Variants in CDC14B observed in about 807,000 individuals in gnomAD.
The protein encoded by CDC14B is dual specificity protein phosphatase CDC14B.
In CDC14B, 22 loss-of-function variants were observed where a neutral mutation model predicts 64.2. That is an observed-to-expected ratio of 0.34 (90% CI 0.24 to 0.49). CDC14B has a LOEUF of 0.49. Ranked by LOEUF, CDC14B falls within the 20% of genes least tolerant of loss-of-function variation. The probability of loss-of-function intolerance (pLI) is 0.99; values close to 1 mark genes in which losing one functional copy is unlikely to be tolerated. For synonymous variants in CDC14B, 191 were observed against 215.8 expected, an observed-to-expected ratio of 0.89 and a Z score of 1.01; for missense variants, 498 against 629.9, an observed-to-expected ratio of 0.79 and a Z score of 2.24.
chr9:96,546,115 G>A (rs1840785196), intron 5 of CDC14B, among the ~76,000 whole-genome samples: 1 of 152,146 alleles, frequency 6.6e-6, no homozygotes, highest in African/African-American at 2.4e-5. Context: ...TTTCGTAACA[G>A]CTCGTATTCA....
intron 12 of CDC14B, among the ~76,000 whole-genome samples, chr9:96,521,782 AATG>A (rs770840779): frequency 5.9e-5 from 9 of 152,230 alleles, no homozygotes; most frequent in Non-Finnish European, 1.2e-4. Flanking sequence ...GGTGTCCCAC[AATG>A]AAAAAGGAAG....
Position 96,501,320 on chromosome 9 carries a change from A to C in CDC14B, c.*2433T>G, listed in dbSNP as rs1031406679. The C allele has an allele frequency of 3.9e-5, 6 of 152,130 alleles. No individual in the cohort carries two copies. Among genetic ancestry groups the C allele is most frequent in the Non-Finnish European group, 8.8e-5 (6 of 68,016 alleles). 9.4% of individuals were successfully genotyped at this position (152,130 alleles called of 1,614,324 possible). On this transcript the variant is annotated 3_prime_UTR_variant, in exon 14 of 14. Coordinates refer to ENST00000375241, the MANE Select transcript of CDC14B (RefSeq NM_033331.4). ...CCCAGTGTACTTTCAGGGCTATTTA[A>C]GGCTCTTAGGTTAAGGGGATCTCTC... is the stretch of plus-strand genomic sequence containing the variant.
At chr9:96,597,078 C>A (rs768971570) in intron 1 of CDC14B, among the ~76,000 whole-genome samples, 1 of 152,112 alleles carries the variant, frequency 6.6e-6, no homozygotes, top group Admixed American at 6.5e-5. Flanking sequence ...CACCAATGCA[C>A]ATCATAAACT....
At chr9:96,586,752 TC>T (rs1355915921) in intron 1 of CDC14B, among the ~76,000 whole-genome samples, 1 of 152,086 alleles carries the variant, frequency 6.6e-6, no homozygotes, top group Non-Finnish European at 1.5e-5. Context: ...AAGTGGCTCT[TC>T]AAGTCCTAAA....
intron 1 of CDC14B, among the ~76,000 whole-genome samples, chr9:96,596,694 C>T (rs997052275): frequency 1.2e-4 from 18 of 151,868 alleles, no homozygotes; most frequent in African/African-American, 4.4e-4. Context: ...AATCCTGTCT[C>T]TACAAAAAAT....
At chr9:96,512,694 G>A (rs774572819) in intron 12 of CDC14B, among the ~76,000 whole-genome samples, 2 of 152,126 alleles carry the variant, frequency 1.3e-5, no homozygotes, top group Admixed American at 1.3e-4. Context: ...TTTGAATATA[G>A]AATTTTGCAT....
At position 96,510,530 on chromosome 9, in the gene CDC14B, T is replaced by C. The variant is rs564479281; in HGVS notation, c.1344-741A>G. ...TGTCCTTTAAGAGGCAGATGGTCCT[T>C]TGGTTTTTTTTTTTCTTTCCTCTTT... On this transcript the variant is annotated intron_variant, in intron 12 of 13. Coordinates refer to ENST00000375241, the MANE Select transcript of CDC14B (RefSeq NM_033331.4). Among the ~76,000 whole-genome samples, 3 of 151,984 alleles carry C rather than the reference T, an allele frequency of 2.0e-5. No individual in the cohort carries two copies. The East Asian group carries it at 5.8e-4, about 29-fold the overall frequency.
intron 13 of CDC14B, chr9:96,493,289 GGCT>G (rs1159868719): frequency 6.6e-6 from 1 of 152,418 alleles, no homozygotes; most frequent in Non-Finnish European, 1.5e-5. Context: ...CATTTTCTTT[GGCT>G]GCTGCTGTCT....
chr9:96,514,556 C>T, intron 12 of CDC14B: 1 of 985,394 alleles, frequency 1.0e-6, no homozygotes, highest in Non-Finnish European at 1.2e-6. Flanking sequence ...TCTTTCTCAG[C>T]TATGTGAAAA....
At chr9:96,590,626 A>G (rs1426461376) in intron 1 of CDC14B, among the ~76,000 whole-genome samples, 1 of 149,302 alleles carries the variant, frequency 6.7e-6, no homozygotes, top group African/African-American at 2.5e-5. Flanking sequence ...ATTTCTCCAC[A>G]TCCTCGCCAA....
intron 12 of CDC14B, among the ~76,000 whole-genome samples, chr9:96,510,518 G>A (rs1165063590): frequency 2.6e-5 from 4 of 151,922 alleles, no homozygotes; most frequent in Non-Finnish European, 5.9e-5. Context: ...CCTTTAAGAG[G>A]CAGATGGTCC....
chr9:96,545,878 C>T (rs1840746041), intron 5 of CDC14B, among the ~76,000 whole-genome samples: 1 of 152,148 alleles, frequency 6.6e-6, no homozygotes, highest in South Asian at 2.1e-4. Context: ...TTAGCACCTC[C>T]AATTTTAGAC....
intron 5 of CDC14B, among the ~76,000 whole-genome samples, chr9:96,543,132 C>G (rs960679688): frequency 1.3e-5 from 2 of 152,128 alleles, no homozygotes; most frequent in Non-Finnish European, 2.9e-5. Context: ...GTGAGGAGAT[C>G]GAGATCTTCC....
intron 1 of CDC14B, among the ~76,000 whole-genome samples, chr9:96,605,004 A>G (rs113357859): frequency 1.1e-4 from 16 of 152,054 alleles, no homozygotes; most frequent in Admixed American, 3.9e-4. Flanking sequence ...TTTAGTACTC[A>G]CCTTTCCACT....
At chr9:96,583,544 G>A (rs1432121945) in intron 1 of CDC14B, among the ~76,000 whole-genome samples, 1 of 150,156 alleles carries the variant, frequency 6.7e-6, no homozygotes, top group African/African-American at 2.5e-5. Flanking sequence ...CTACAGGTGC[G>A]CACCACCACG....
At chr9:96,603,250 G>A (rs1461904048) in intron 1 of CDC14B, among the ~76,000 whole-genome samples, 1 of 151,806 alleles carries the variant, frequency 6.6e-6, no homozygotes, top group African/African-American at 2.4e-5. Context: ...GACAGATTAT[G>A]GGGAGGGAAA....
rs1048283672 is a variant in CDC14B at position 96,619,453 on chromosome 9, G to T, written c.-75C>A. On this transcript the variant is annotated 5_prime_UTR_variant, in exon 1 of 14. In the 5' UTR this introduces an upstream ATG that the reference lacks. Coordinates refer to ENST00000375241, the MANE Select transcript of CDC14B (RefSeq NM_033331.4). ...CGCGCGCCCGCCGAGGCTCCCGCCA[G>T]CCCCGCGCGGGCGCTCGGGGCGGCG... The T allele has an allele frequency of 4.5e-6, 4 of 885,760 alleles. No individual in the cohort carries two copies. The highest frequency in any genetic ancestry group is 5.4e-6 in the Non-Finnish European group (4 of 740,446). The allele number at this position is 885,760 out of a possible 1,614,324, so 54.9% of individuals were successfully genotyped here.
chr9:96,507,684 G>C (rs909905665), intron 13 of CDC14B, among the ~76,000 whole-genome samples: 4 of 152,050 alleles, frequency 2.6e-5, no homozygotes, highest in Non-Finnish European at 5.9e-5. Flanking sequence ...AAAGTCCTGG[G>C]ATTACAGGCG....
chr9:96,540,530 C>A (rs1457569908), intron 6 of CDC14B, among the ~76,000 whole-genome samples: 1 of 151,522 alleles, frequency 6.6e-6, no homozygotes, highest in African/African-American at 2.4e-5. Flanking sequence ...TTAAAAAAAC[C>A]CAAAATATAG....
Sources: gnomAD v4.1 joint callset for allele counts (sites outside exome capture counted in the v4.1 genomes callset) on GRCh38, gnomAD v4.1.1 for gene constraint, MANE v1.5 for transcripts, NCBI Gene and HGNC (gene_info 2026-07-23, HGNC 2026-07-21) for gene names.